The following CR2 variants were observed in gnomAD, a reference collection of about 807,000 sequenced individuals.
CR2 encodes complement C3d receptor 2, also known as complement receptor type 2.
In CR2, 96 loss-of-function variants were observed where a neutral mutation model predicts 123.0. The ratio of observed to expected loss-of-function variants is 0.78; its 90% confidence interval spans 0.66 to 0.93. The LOEUF (loss-of-function observed/expected upper bound fraction) is 0.93. Among genes scored for constraint, CR2 ranks in the 40% least tolerant of loss-of-function variants. The pLI is 0.00. For synonymous variants in CR2, 484 were observed against 469.5 expected, an observed-to-expected ratio of 1.03 and a Z score of -0.40; for missense variants, 1,258 against 1,361.0, an observed-to-expected ratio of 0.92 and a Z score of 1.19.
chr1:207,485,680 C>A, intron 19 of CR2, 108 bp downstream of exon 19: 1 of 699,950 alleles, frequency 1.4e-6, no homozygotes, highest in Non-Finnish European at 2.6e-6. Flanking sequence ...CTTACTATTG[C>A]ACAAGTCTTC....
rs201585844 is a variant in CR2 at position 207,470,810 on chromosome 1, A to T, written c.1296A>T (p.Gly432=). 3.7e-4 allele frequency: 601 copies of T among 1,613,850 alleles called. 7 individuals carry two copies. The South Asian group carries it at 6.2e-3, about 17-fold the overall frequency. The change falls in exon 7 of 20, where the codon GGA becomes GGT. Residue 432 remains glycine (G), a synonymous_variant. Transcript: ENST00000367057. ...GACACATGGTCCGCTTTGACCCTGG[A>T]ACATCTATAAAATATAGCTGTAACC... ...EDRHMVRFDP[G]TSIKYSCNPG...
chr1:207,472,213 C>T (rs559143923), intron 9 of CR2, among the ~76,000 whole-genome samples: 3 of 152,074 alleles, frequency 2.0e-5, no homozygotes, highest in South Asian at 4.2e-4. Context: ...CACACCACTG[C>T]ACTCCAGCCT....
At position 207,454,461 on chromosome 1, in the gene CR2, G is replaced by T. The variant is rs1280260358; in HGVS notation, c.43G>T (p.Ala15Ser). The change falls in exon 1 of 20, where the codon GCA becomes TCA. Residue 15 changes from alanine (A) to serine (S), a missense_variant. By Grantham distance (99) the Ala-to-Ser change is moderately conservative. Transcript: ENST00000367057. The surrounding 1 kb of genome is among the most constrained non-coding windows in gnomAD (Gnocchi z 4.3). ...GCTCGGGGTTTTCTTGGCTCTCGTC[G>T]CACCGGGGGTCCTCGGTGAGCTGGG... The part of the protein sequence containing the change: ...GLLGVFLALV[A>S]PGVLGISCGS... 1 of 1,575,252 alleles carries T rather than the reference G, an allele frequency of 6.3e-7. No homozygotes were observed. The highest frequency in any genetic ancestry group is 1.1e-5 in the South Asian group (1 of 88,004).
intron 19 of CR2, among the ~76,000 whole-genome samples, chr1:207,487,218 G>C (rs1658773967): frequency 6.6e-6 from 1 of 152,158 alleles, no homozygotes; most frequent in Admixed American, 6.5e-5. Context: ...GATCAACTCT[G>C]TCCAGTGTTG....
At chr1:207,480,496 T>C (rs1658574712) in intron 18 of CR2, among the ~76,000 whole-genome samples, 1 of 152,206 alleles carries the variant, frequency 6.6e-6, no homozygotes, top group Non-Finnish European at 1.5e-5. Flanking sequence ...TTCTATTCTG[T>C]GTATTTATAT....
Position 207,471,944 on chromosome 1 carries a change from A to C in CR2, c.1570+445A>C, listed in dbSNP as rs145838670. ...TAAGACTACAGACTAGGAGGTCCAG[A>C]GAATGTAAATAAAAAGTAAAAAGGA... On this transcript the variant is annotated intron_variant, in intron 9 of 19. Transcript: ENST00000367057. 1,171 of 237,966 alleles carry C rather than the reference A, an allele frequency of 4.9e-3. 16 individuals carry two copies. The highest frequency in any genetic ancestry group is 0.025 in the African/African-American group (1,098 of 44,098). 14.7% of individuals were successfully genotyped at this position (237,966 alleles called of 1,614,324 possible). A position where few individuals can be genotyped will look rare whatever the true frequency, so the allele number is the denominator to read the frequency against.
At position 207,454,564 on chromosome 1, in the gene CR2, C is replaced by A; in HGVS notation, c.58+88C>A. On this transcript the variant is annotated intron_variant, in intron 1 of 19. Coordinates refer to ENST00000367057, the MANE Select transcript of CR2 (RefSeq NM_001006658.3). This position sits in a 1 kb window ranked among gnomAD's most constrained non-coding sequence, Gnocchi z 4.3. ...GCGATGCAAAGCAGGGGGCCAAAAG[C>A]GAGACGGTGGGGGCAGTGCTCGACG... 2 of 1,058,146 alleles carry A rather than the reference C, an allele frequency of 1.9e-6. No homozygotes were observed. The highest frequency in any genetic ancestry group is 2.7e-6 in the Non-Finnish European group (2 of 746,932). 65.5% of individuals were successfully genotyped at this position (1,058,146 alleles called of 1,614,324 possible).
Position 207,469,955 on chromosome 1 carries a change from C to G in CR2, c.1078C>G (p.Arg360Gly), listed in dbSNP as rs772481080. Residue 360 changes from arginine to glycine, a missense_variant, in exon 6 of 20, where the codon CGA (arginine) becomes GGA (glycine). Coordinates refer to ENST00000367057, the MANE Select transcript of CR2 (RefSeq NM_001006658.3). ...TCCACATCCCCAGATCCTAAGAGGC[C>G]GAATGGTATCTGGGCAGAAAGATCG... Reference protein sequence around the residue: ...QCPHPQILRGRMVSGQKDRYT... With the variant: ...QCPHPQILRGGMVSGQKDRYT... 1 of 1,613,880 alleles carries G rather than the reference C, an allele frequency of 6.2e-7. No homozygotes were observed. Among genetic ancestry groups the G allele is most frequent in the Non-Finnish European group, 8.5e-7 (1 of 1,179,916 alleles).
chr1:207,479,246 A>T lies in CR2; in HGVS notation c.3089-11A>T. On this transcript the variant is annotated splice_polypyrimidine_tract_variant and intron_variant, in intron 16 of 19. Coordinates refer to ENST00000367057, the MANE Select transcript of CR2 (RefSeq NM_001006658.3). ...CTGATAATCATTTTCATGATTTTGTACTATTTTTAGGTTCACTTGCTCCTG... is the reference window on the plus strand; with the variant it reads ...CTGATAATCATTTTCATGATTTTGTTCTATTTTTAGGTTCACTTGCTCCTG... 1.3e-6 allele frequency: 2 copies of T among 1,585,842 alleles called. No individual in the cohort carries two copies. Among genetic ancestry groups the T allele is most frequent in the Non-Finnish European group, 1.7e-6 (2 of 1,154,590 alleles).
At chr1:207,480,735 T>C (rs1180110985) in intron 18 of CR2, among the ~76,000 whole-genome samples, 1 of 152,142 alleles carries the variant, frequency 6.6e-6, no homozygotes, top group East Asian at 1.9e-4. Flanking sequence ...ATATGTCGTG[T>C]TTCTCAACCC....
At chr1:207,474,393 A>G (rs1450625581) in intron 13 of CR2, 70 bp downstream of exon 13, 1 of 1,127,468 alleles carries the variant, frequency 8.9e-7, no homozygotes, top group Non-Finnish European at 1.4e-6. Flanking sequence ...CTGAAGAATT[A>G]GTCTACTGCT....
rs1362451166 is a variant in CR2 at position 207,462,492 on chromosome 1, AT to A, written c.59-4028del. On this transcript the variant is annotated intron_variant, in intron 1 of 19. Transcript: ENST00000367057. ...AGCTTACTTGTAAAAAAATATATGC[AT>A]TTTTTCCCTATAAACAGTGGTAAGT... 3.9e-5 allele frequency among the ~76,000 whole-genome samples: 6 copies of A among 152,270 alleles called. No individual in the cohort carries two copies. The South Asian group carries it at 6.2e-4, about 16-fold the overall frequency.
At chr1:207,463,117 A>G (rs1022088791) in intron 1 of CR2, among the ~76,000 whole-genome samples, 6 of 152,138 alleles carry the variant, frequency 3.9e-5, no homozygotes, top group Non-Finnish European at 7.3e-5. Context: ...GTTTGGGTTG[A>G]TTTGGTTTTC....
At chr1:207,467,334 G>C (rs957920397) in intron 2 of CR2, among the ~76,000 whole-genome samples, 15 of 152,084 alleles carry the variant, frequency 9.9e-5, no homozygotes, top group African/African-American at 3.4e-4. Flanking sequence ...ACACAGTCTA[G>C]CACAGGTGAT....
chr1:207,469,772 A>G lies in CR2; in HGVS notation c.895A>G (p.Ser299Gly). The G allele has an allele frequency of 6.2e-7, 1 of 1,613,986 alleles. No homozygotes were observed. Residue 299 changes from serine to glycine, a missense_variant, in exon 6 of 20, where the codon AGC becomes GGC. Physicochemically the swap from Ser to Gly is moderately conservative, Grantham distance 56. Transcript: ENST00000367057. ...CTCACTAGCAAATGTCTCATATGGA[A>G]GCATAGTCACTTACACTTGTGACCC... The part of the protein sequence containing the change: ...GNSLANVSYG[S>G]IVTYTCDPDP...
intron 15 of CR2, 41 bp downstream of exon 15, chr1:207,476,460 T>C (rs1658444782): frequency 1.3e-6 from 2 of 1,566,584 alleles, no homozygotes; most frequent in Non-Finnish European, 1.7e-6. Context: ...ATATCAAATT[T>C]GTGCCAAATA....
chr1:207,466,530 T>G lies in CR2; in HGVS notation c.63T>G (p.Ile21Met). 6.2e-7 allele frequency: 1 copy of G among 1,614,118 alleles called. No homozygotes were observed. Among genetic ancestry groups the G allele is most frequent in the South Asian group, 1.1e-5 (1 of 91,082 alleles). ...AGTTCCTTTTCTACTTTTCAGGGAT[T>G]TCTTGTGGCTCTCCTCCGCCTATCC... ...LALVAPGVLG[I>M]SCGSPPPILN... The change falls in exon 2 of 20, where the codon ATT becomes ATG. Residue 21 changes from isoleucine (I) to methionine (M), a missense_variant. Coordinates refer to ENST00000367057, the MANE Select transcript of CR2 (RefSeq NM_001006658.3).
chr1:207,471,630 T>C lies in CR2; in HGVS notation c.1570+131T>C, dbSNP rs1370355781. ...GTTCTATTGATTCTGCCAATAGTTA[T>C]GGTTGCACAGTTTTACCATGTCTTT... is the stretch of plus-strand genomic sequence containing the variant. On this transcript the variant is annotated intron_variant, in intron 9 of 19. Transcript: ENST00000367057. The C allele has an allele frequency of 5.0e-5, 37 of 737,584 alleles. No individual in the cohort carries two copies. In the Admixed American group the frequency reaches 6.7e-4, roughly 13 times the overall value. 45.7% of individuals were successfully genotyped at this position (737,584 alleles called of 1,614,324 possible).
At chr1:207,458,080 A>ACACACACACT (rs918032839) in intron 1 of CR2, among the ~76,000 whole-genome samples, 1 of 151,186 alleles carries the variant, frequency 6.6e-6, no homozygotes, top group African/African-American at 2.4e-5. Flanking sequence ...ACACACACAC[A>ACACACACACT]CACACACACA....
Sources: allele counts gnomAD v4.1 joint callset (sites outside exome capture counted in the v4.1 genomes callset), GRCh38; gene constraint gnomAD v4.1.1; non-coding constraint Gnocchi (gnomAD v3.1); transcripts MANE v1.5; gene names NCBI Gene and HGNC (gene_info 2026-07-23, HGNC 2026-07-21).